Variants in RREB1 observed in about 807,000 individuals in gnomAD.
RREB1 encodes the protein ras responsive element binding protein 1.
Under a neutral mutation model 117.8 loss-of-function variants are expected in RREB1, and 27 were observed. That is an observed-to-expected ratio of 0.23 (90% confidence interval 0.17 to 0.32). The LOEUF (loss-of-function observed/expected upper bound fraction) is 0.32, where lower values mean the gene tolerates loss of function less well. Ranked by LOEUF, RREB1 falls within the 10% of genes least tolerant of loss-of-function variation. The probability of loss-of-function intolerance (pLI) is 1.00; values close to 1 mark genes in which losing one functional copy is unlikely to be tolerated. For missense variants in RREB1, 2,577 were observed against 2,378.2 expected (o/e 1.08, Z -1.74); for synonymous variants, 1,298 against 1,026.7 (o/e 1.26, Z -5.05).
intron 6 of RREB1, among the ~76,000 whole-genome samples, chr6:7,199,245 G>T (rs141810101): frequency 3.5e-4 from 54 of 152,284 alleles, no homozygotes; most frequent in Non-Finnish European, 7.4e-4. Context: ...CATCTTTAGT[G>T]GGGGTAACGT....
At chr6:7,166,654 T>C (rs1300533121) in intron 1 of RREB1, among the ~76,000 whole-genome samples, 4 of 152,354 alleles carry the variant, frequency 2.6e-5, no homozygotes, top group South Asian at 4.1e-4. Context: ...CTGCCTTCTC[T>C]AAGCTAAGCT....
chr6:7,241,436 A>G (rs1220569546), intron 11 of RREB1, among the ~76,000 whole-genome samples: 1 of 152,122 alleles, frequency 6.6e-6, no homozygotes, highest in Non-Finnish European at 1.5e-5. Context: ...GGACAGCATC[A>G]TGGTGCTGGG....
chr6:7,128,636 A>G (rs575286888), intron 1 of RREB1, among the ~76,000 whole-genome samples: 1 of 151,598 alleles, frequency 6.6e-6, no homozygotes, highest in African/African-American at 2.4e-5. Context: ...ATCTCAATAT[A>G]CGGTGATACC....
chr6:7,139,707 T>G (rs1762481204), intron 1 of RREB1, among the ~76,000 whole-genome samples: 1 of 152,190 alleles, frequency 6.6e-6, no homozygotes, highest in African/African-American at 2.4e-5. Context: ...TGTAAAATCA[T>G]TCAGGTATAT....
chr6:7,143,058 G>A (rs1692065749), intron 1 of RREB1, among the ~76,000 whole-genome samples: 1 of 150,104 alleles, frequency 6.7e-6, no homozygotes, highest in Non-Finnish European at 1.5e-5. Flanking sequence ...TGAGACAAAT[G>A]AATACATTTG....
At chr6:7,202,095 C>T (rs906277752) in intron 6 of RREB1, among the ~76,000 whole-genome samples, 2 of 152,136 alleles carry the variant, frequency 1.3e-5, no homozygotes, top group Non-Finnish European at 2.9e-5. Flanking sequence ...TCCTTGCCAG[C>T]AGTTTCTCAG....
At chr6:7,156,682 A>G (rs1023045423) in intron 1 of RREB1, among the ~76,000 whole-genome samples, 3 of 152,228 alleles carry the variant, frequency 2.0e-5, no homozygotes, top group African/African-American at 4.8e-5. Context: ...GAGAGCAGCT[A>G]TGTGTGTGAA....
chr6:7,200,244 A>ATGTGTGTGTGTGTGTGTG (rs70978945), intron 6 of RREB1, among the ~76,000 whole-genome samples: 28 of 129,372 alleles, frequency 2.2e-4, no homozygotes, highest in South Asian at 1.3e-3. Flanking sequence ...ATGTGTGTAT[A>ATGTGTGTGTGTGTGTGTG]TGTGTGTGTG....
Position 7,242,702 on chromosome 6 carries a change from G to GC in RREB1, c.3973+2100_3973+2101insC, listed in dbSNP as rs1554128713. On this transcript the variant is annotated intron_variant, in intron 11 of 12. Coordinates refer to ENST00000379938, the MANE Select transcript of RREB1 (RefSeq NM_001003699.4). ...TGAAGGAAGACCACTTAAAAAAAAGGGGGGGGGGGAAGGAAATGACCAAGG... is the reference window on the plus strand; with the variant it reads ...TGAAGGAAGACCACTTAAAAAAAAGGCGGGGGGGGGAAGGAAATGACCAAGG... Among the ~76,000 whole-genome samples, 15 of 145,438 alleles carry GC rather than the reference G, an allele frequency of 1.0e-4. 1 individual carries two copies. Among genetic ancestry groups the GC allele is most frequent in the African/African-American group, 3.5e-4 (14 of 40,334 alleles).
intron 6 of RREB1, among the ~76,000 whole-genome samples, chr6:7,203,743 C>T (rs561396400): frequency 4.4e-4 from 67 of 152,364 alleles, no homozygotes; most frequent in African/African-American, 1.6e-3. Flanking sequence ...CTACAGTCAA[C>T]AGATGAGAGA....
At chr6:7,198,919 A>C (rs180964725) in intron 6 of RREB1, among the ~76,000 whole-genome samples, 1 of 152,184 alleles carries the variant, frequency 6.6e-6, no homozygotes, top group African/African-American at 2.4e-5. Flanking sequence ...TTTCCACTAG[A>C]TAAGACATGG....
intron 10 of RREB1, among the ~76,000 whole-genome samples, chr6:7,234,918 C>T (rs151327163): frequency 2.5e-4 from 38 of 152,318 alleles, no homozygotes; most frequent in East Asian, 1.2e-3. Context: ...AGGCAGAAGG[C>T]GGGCAGAGTG....
chr6:7,132,345 G>A (rs1310067264), intron 1 of RREB1, among the ~76,000 whole-genome samples: 8 of 139,564 alleles, frequency 5.7e-5, no homozygotes, highest in Non-Finnish European at 1.1e-4. Flanking sequence ...GTGAGCCACC[G>A]TGCCCAGCCG....
rs754044532 is a variant in RREB1 at position 7,120,813 on chromosome 6, ATTTTTT to A, written c.-285+12772_-285+12777del. Among the ~76,000 whole-genome samples, 156 of 109,652 alleles carry A rather than the reference ATTTTTT, an allele frequency of 1.4e-3. 2 individuals carry two copies. The highest frequency in any genetic ancestry group is 5.5e-3 in the African/African-American group (151 of 27,290). The allele number at this position is 109,652 out of a possible 152,430, so 71.9% of individuals were successfully genotyped here. A position where few individuals can be genotyped will look rare whatever the true frequency, so the allele number is the denominator to read the frequency against. Reference sequence around the variant, plus strand: ...AGGTGTGCGCCACCACGCTTGGCTAATTTTTTTTTTTTTTTTTTTTTTTTGAGACAG... The same window carrying A: ...AGGTGTGCGCCACCACGCTTGGCTAATTTTTTTTTTTTTTTTTTGAGACAG... On this transcript the variant is annotated intron_variant, in intron 1 of 12. Coordinates refer to ENST00000379938, the MANE Select transcript of RREB1 (RefSeq NM_001003699.4).
intron 1 of RREB1, among the ~76,000 whole-genome samples, chr6:7,113,135 C>T (rs537444918): frequency 2.8e-4 from 43 of 151,362 alleles, no homozygotes; most frequent in African/African-American, 9.7e-4. Context: ...CTGTGAAGTC[C>T]GGGGACTGGG....
rs185797568 is a variant in RREB1, at chr6:7,203,480, T to C, written c.426-7324T>C. 1.8e-3 allele frequency among the ~76,000 whole-genome samples: 273 copies of C among 152,306 alleles called. 4 individuals carry two copies. Among genetic ancestry groups the C allele is most frequent in the East Asian group, 0.014 (75 of 5,188 alleles). On this transcript the variant is annotated intron_variant, in intron 6 of 12. Coordinates refer to ENST00000379938, the MANE Select transcript of RREB1 (RefSeq NM_001003699.4). ...AGGACCAAGATAGAAAAGGAACTGC[T>C]CTCTCCAAATACTGCCAAGGAACCT...
chr6:7,163,274 A>G (rs534491929), intron 1 of RREB1, among the ~76,000 whole-genome samples: 9 of 152,236 alleles, frequency 5.9e-5, no homozygotes, highest in African/African-American at 2.2e-4. Context: ...CTGTTTGCAG[A>G]TTGGGAGCAC....
At chr6:7,165,456 G>A (rs139691879) in intron 1 of RREB1, among the ~76,000 whole-genome samples, 24 of 152,334 alleles carry the variant, frequency 1.6e-4, no homozygotes, top group East Asian at 1.3e-3. Flanking sequence ...GATCACAAGC[G>A]TGTTGAAGAA....
intron 1 of RREB1, among the ~76,000 whole-genome samples, chr6:7,126,083 C>T (rs1351835963): frequency 6.6e-6 from 1 of 152,152 alleles, no homozygotes; most frequent in Non-Finnish European, 1.5e-5. Context: ...CTCACTGCAA[C>T]CTCCGCCTCC....
Sources: gnomAD v4.1 joint callset for allele counts (sites outside exome capture counted in the v4.1 genomes callset) on GRCh38, gnomAD v4.1.1 for gene constraint, MANE v1.5 for transcripts, NCBI Gene and HGNC (gene_info 2026-07-23, HGNC 2026-07-21) for gene names.